Variants in CDC42BPA observed in about 807,000 individuals in gnomAD.
CDC42BPA encodes the protein CDC42 binding protein kinase alpha.
CDC42BPA carries 80 observed loss-of-function variants against 223.5 expected under a neutral mutation model. That is an observed-to-expected ratio of 0.36 (90% CI 0.30 to 0.43). The LOEUF (loss-of-function observed/expected upper bound fraction) is 0.43. Ranked by LOEUF, CDC42BPA falls within the 20% of genes least tolerant of loss-of-function variation. CDC42BPA has a pLI of 1.00. For synonymous variants in CDC42BPA, 694 were observed against 718.6 expected (o/e 0.97, Z 0.55); for missense variants, 1,743 against 2,099.9 (o/e 0.83, Z 3.32).
chr1:227,085,814 AGTTT>A (rs1681756881), intron 16 of CDC42BPA, among the ~76,000 whole-genome samples: 1 of 152,162 alleles, frequency 6.6e-6, no homozygotes, highest in Admixed American at 6.5e-5. Flanking sequence ...ATAGTTTACC[AGTTT>A]TTTTTCACAC....
chr1:227,080,467 C>G (rs1289037188), intron 17 of CDC42BPA, among the ~76,000 whole-genome samples: 1 of 152,094 alleles, frequency 6.6e-6, no homozygotes, highest in Non-Finnish European at 1.5e-5. Context: ...CTGGTATAAT[C>G]ATGATACAAG....
chr1:227,264,693 G>T, intron 1 of CDC42BPA: 2 of 652,054 alleles, frequency 3.1e-6, no homozygotes, highest in Non-Finnish European at 5.5e-6. Context: ...AAGGTAAGAG[G>T]CTTTAACATG....
Position 227,031,412 on chromosome 1 carries a change from A to G in CDC42BPA, c.3661T>C (p.Leu1221=). 2 of 1,614,036 alleles carry G rather than the reference A, an allele frequency of 1.2e-6. No individual in the cohort carries two copies. The highest frequency in any genetic ancestry group is 2.2e-5 in the South Asian group (2 of 91,066). ...TTGTTTTTCTTCAAAATCTTGTGCA[A>G]TTCACTCAGCACTCCCACCCACTTA... is the stretch of plus-strand genomic sequence containing the variant. ...KNKWVGVLSE[L]HKILKKNKFR... Residue 1221 remains leucine (L), a synonymous_variant, in exon 28 of 37, where the codon TTG becomes CTG. Transcript: ENST00000366766.
chr1:227,216,843 T>C (rs1674944655), intron 2 of CDC42BPA, among the ~76,000 whole-genome samples: 1 of 152,228 alleles, frequency 6.6e-6, no homozygotes, highest in Non-Finnish European at 1.5e-5. Flanking sequence ...ACACTAGCAA[T>C]GTCTTGAAAG....
intron 4 of CDC42BPA, among the ~76,000 whole-genome samples, chr1:227,194,201 T>G (rs563330998): frequency 6.6e-6 from 1 of 152,272 alleles, no homozygotes; most frequent in East Asian, 1.9e-4. Context: ...GCTAATATCA[T>G]CATTATTATC....
chr1:227,164,414 CTT>C (rs749654183), intron 5 of CDC42BPA, among the ~76,000 whole-genome samples: 1 of 152,152 alleles, frequency 6.6e-6, no homozygotes. Context: ...ACCTATAAGT[CTT>C]TTTTTATATT....
intron 3 of CDC42BPA, among the ~76,000 whole-genome samples, chr1:227,205,981 G>A (rs867687708): frequency 6.6e-6 from 1 of 152,300 alleles, no homozygotes; most frequent in South Asian, 2.1e-4. Context: ...CCAGGAGGCA[G>A]AGGCTGCAGT....
intron 1 of CDC42BPA, among the ~76,000 whole-genome samples, chr1:227,265,481 G>A (rs1422911907): frequency 6.6e-6 from 1 of 151,998 alleles, no homozygotes; most frequent in Admixed American, 6.6e-5. Flanking sequence ...GGAGGCCAAG[G>A]CGGGCGGAAT....
At chr1:227,169,071 G>A (rs1665652682) in intron 5 of CDC42BPA, among the ~76,000 whole-genome samples, 1 of 150,046 alleles carries the variant, frequency 6.7e-6, no homozygotes, top group South Asian at 2.2e-4. Flanking sequence ...TTTTTGCAGT[G>A]AAAATTTTCA....
intron 11 of CDC42BPA, among the ~76,000 whole-genome samples, chr1:227,120,949 T>C (rs1688560746): frequency 6.6e-6 from 1 of 152,166 alleles, no homozygotes; most frequent in Non-Finnish European, 1.5e-5. Flanking sequence ...ATAAGAGGCA[T>C]GCAACCTAGA....
At chr1:227,137,345 A>G (rs1390809105) in intron 10 of CDC42BPA, among the ~76,000 whole-genome samples, 2 of 152,160 alleles carry the variant, frequency 1.3e-5, no homozygotes, top group African/African-American at 2.4e-5. Context: ...AATGGCTACA[A>G]GTGAAAAACG....
rs541727062 is a variant in CDC42BPA, at chr1:227,160,741, A to G, written c.600-105T>C. 6.2e-5 allele frequency: 39 copies of G among 627,766 alleles called. No homozygotes were observed. The East Asian group carries it at 1.1e-3, about 17-fold the overall frequency. The allele number at this position is 627,766 out of a possible 1,614,324, so 38.9% of individuals were successfully genotyped here. On this transcript the variant is annotated intron_variant, in intron 5 of 36. Coordinates refer to ENST00000366766, the MANE Select transcript of CDC42BPA (RefSeq NM_001394014.1). The stretch of plus-strand genomic sequence containing the variant: ...AAAATCTCAACTTATTTTAAAAGTA[A>G]TATTCTAAGAAAATCTATTTAATTA...
intron 1 of CDC42BPA, among the ~76,000 whole-genome samples, chr1:227,278,989 G>C (rs1214083123): frequency 6.6e-6 from 1 of 150,658 alleles, no homozygotes; most frequent in Non-Finnish European, 1.5e-5. Context: ...GACTTAACTG[G>C]GCAAGTTGTG....
At chr1:227,116,944 T>A (rs930078101) in intron 12 of CDC42BPA, among the ~76,000 whole-genome samples, 2 of 152,168 alleles carry the variant, frequency 1.3e-5, no homozygotes, top group Non-Finnish European at 2.9e-5. Context: ...TTCCAAAGGG[T>A]TAGAGAAAGA....
rs150255370 is a variant in CDC42BPA, at chr1:227,094,857, CAA to C, written c.2250-2868_2250-2867del. On this transcript the variant is annotated intron_variant, in intron 15 of 36. Coordinates refer to ENST00000366766, the MANE Select transcript of CDC42BPA (RefSeq NM_001394014.1). ...ACTGAGCATAAAGGGTCTACTGGCT[CAA>C]AGAGATGAGAATGTCAGAGTGGACC... Among the ~76,000 whole-genome samples the C allele has an allele frequency of 4.7e-3, 719 of 152,240 alleles. 8 individuals carry two copies. Among genetic ancestry groups the C allele is most frequent in the African/African-American group, 0.016 (679 of 41,550 alleles).
At chr1:227,264,729 T>G in intron 1 of CDC42BPA, 1 of 751,378 alleles carries the variant, frequency 1.3e-6, no homozygotes, top group East Asian at 2.5e-5. Flanking sequence ...GCCAGTCCAT[T>G]ATGTACATAT....
intron 1 of CDC42BPA, among the ~76,000 whole-genome samples, chr1:227,274,559 T>C (rs1686601292): frequency 6.6e-6 from 1 of 152,188 alleles, no homozygotes; most frequent in African/African-American, 2.4e-5. Context: ...GCTTTTTAAA[T>C]GGTAGAAATA....
intron 32 of CDC42BPA, among the ~76,000 whole-genome samples, chr1:227,022,176 AATC>A (rs1338150546): frequency 6.6e-6 from 1 of 152,240 alleles, no homozygotes; most frequent in East Asian, 1.9e-4. Context: ...TCAGGCCTAT[AATC>A]CCAGTACTTT....
intron 23 of CDC42BPA, among the ~76,000 whole-genome samples, chr1:227,046,607 T>C (rs1351052356): frequency 6.6e-6 from 1 of 152,194 alleles, no homozygotes; most frequent in Non-Finnish European, 1.5e-5. Flanking sequence ...AGAACTGGTA[T>C]AACACTTTAT....
Sources: gnomAD v4.1 joint callset for allele counts (sites outside exome capture counted in the v4.1 genomes callset) on GRCh38, gnomAD v4.1.1 for gene constraint, MANE v1.5 for transcripts, NCBI Gene and HGNC (gene_info 2026-07-23, HGNC 2026-07-21) for gene names.